Variants in CADM1 observed in about 807,000 individuals in gnomAD.
The protein encoded by CADM1 is TSLC-1.
Under a neutral mutation model 53.1 loss-of-function variants are expected in CADM1, and 15 were observed. The observed-to-expected ratio is 0.28, with a 90% CI of 0.19 to 0.44. CADM1 has a LOEUF of 0.44. CADM1 is among the 20% of genes least tolerant of loss of function. CADM1 has a pLI of 1.00. For synonymous variants in CADM1, 281 were observed against 243.0 expected (o/e 1.16, Z -1.45); for missense variants, 434 against 611.3 (o/e 0.71, Z 3.06).
rs139114293 is a variant in CADM1 at position 115,356,146 on chromosome 11, A to G, written c.125-115726T>C. Among the ~76,000 whole-genome samples the G allele has an allele frequency of 2.2e-3, 331 of 151,954 alleles. 1 individual carries two copies. Among genetic ancestry groups the G allele is most frequent in the African/African-American group, 7.7e-3 (320 of 41,512 alleles). Reference sequence around the variant, plus strand: ...GCGCCCGGCTGAGGTACACTATAATATAACTCACATAGGATAAGAAGTTAC... The same window carrying G: ...GCGCCCGGCTGAGGTACACTATAATGTAACTCACATAGGATAAGAAGTTAC... On this transcript the variant is annotated intron_variant, in intron 1 of 11. Coordinates refer to ENST00000331581, the MANE Select transcript of CADM1 (RefSeq NM_001301043.2).
intron 1 of CADM1, among the ~76,000 whole-genome samples, chr11:115,289,593 CTT>C (rs56766047): frequency 3.3e-4 from 36 of 109,046 alleles, no homozygotes; most frequent in Admixed American, 1.0e-3. Context: ...CTTTTTTTTT[CTT>C]TTTTTTTTTT....
At chr11:115,277,663 G>T (rs1195879317) in intron 1 of CADM1, among the ~76,000 whole-genome samples, 1 of 152,110 alleles carries the variant, frequency 6.6e-6, no homozygotes, top group Non-Finnish European at 1.5e-5. Context: ...GTTAATGGAG[G>T]AGAGACTGCC....
intron 1 of CADM1, among the ~76,000 whole-genome samples, chr11:115,297,255 G>C (rs1468894143): frequency 2.0e-5 from 3 of 152,190 alleles, no homozygotes; most frequent in African/African-American, 4.8e-5. Flanking sequence ...AGAAATGGTG[G>C]AAAGCAGAGC....
intron 1 of CADM1, among the ~76,000 whole-genome samples, chr11:115,430,693 A>T (rs1948025163): frequency 2.0e-5 from 3 of 152,238 alleles, no homozygotes. Context: ...TTCAATGGAA[A>T]GCAGAGATTA....
chr11:115,461,580 TG>T (rs1948795887), intron 1 of CADM1, among the ~76,000 whole-genome samples: 1 of 152,114 alleles, frequency 6.6e-6, no homozygotes. Context: ...GAAAAGAAGA[TG>T]AAGATGTCTG....
At chr11:115,363,854 A>G (rs1043740154) in intron 1 of CADM1, among the ~76,000 whole-genome samples, 3 of 152,192 alleles carry the variant, frequency 2.0e-5, no homozygotes, top group Non-Finnish European at 4.4e-5. Flanking sequence ...AGATTATAAT[A>G]CCATATTTTT....
intron 1 of CADM1, among the ~76,000 whole-genome samples, chr11:115,242,648 G>C (rs1488588178): frequency 3.3e-5 from 5 of 152,116 alleles, no homozygotes; most frequent in Non-Finnish European, 7.4e-5. Flanking sequence ...GCTTTGAGTA[G>C]ACAAGAATAC....
chr11:115,253,817 C>G (rs1942686369), intron 1 of CADM1, among the ~76,000 whole-genome samples: 2 of 152,322 alleles, frequency 1.3e-5, no homozygotes, highest in African/African-American at 4.8e-5. Context: ...CTAACTCACA[C>G]AAATCGTTAT....
At chr11:115,196,623 A>AAAAAAAAAAAAAACG (rs1565291008) in intron 9 of CADM1, among the ~76,000 whole-genome samples, 3 of 140,110 alleles carry the variant, frequency 2.1e-5, no homozygotes, top group Admixed American at 7.5e-5. Context: ...AAAAAAAATC[A>AAAAAAAAAAAAAACG]CAAAACAATC....
chr11:115,472,222 C>T (rs1447781417), intron 1 of CADM1, among the ~76,000 whole-genome samples: 1 of 152,230 alleles, frequency 6.6e-6, no homozygotes, highest in Non-Finnish European at 1.5e-5. Context: ...ATCAAAAGGT[C>T]ATCCTAGTAA....
At chr11:115,386,610 G>A (rs973192917) in intron 1 of CADM1, among the ~76,000 whole-genome samples, 4 of 140,020 alleles carry the variant, frequency 2.9e-5, no homozygotes, top group Non-Finnish European at 6.3e-5. Flanking sequence ...TCTCTCTTCC[G>A]CTTCTTATAA....
chr11:115,197,825 T>C lies in CADM1; in HGVS notation c.1111+581A>G, dbSNP rs545502652. Among the ~76,000 whole-genome samples, 28 of 152,286 alleles carry C rather than the reference T, an allele frequency of 1.8e-4. No individual in the cohort carries two copies. The South Asian group carries it at 5.8e-3, about 32-fold the overall frequency. ...TAAAGTTATATGAACACATAGAGAT[T>C]AGGAGTGAACCAGTGAGGGGTGGTG... On this transcript the variant is annotated intron_variant, in intron 9 of 11. Coordinates refer to ENST00000331581, the MANE Select transcript of CADM1 (RefSeq NM_001301043.2).
Position 115,174,266 on chromosome 11 carries a change from A to ATT in CADM1, c.*2206_*2207dup, listed in dbSNP as rs10565366. 12 of 906,630 alleles carry ATT rather than the reference A, an allele frequency of 1.3e-5. No individual in the cohort carries two copies. Among genetic ancestry groups the ATT allele is most frequent in the Middle Eastern group, 5.7e-4 (1 of 1,756 alleles). 56.2% of individuals were successfully genotyped at this position (906,630 alleles called of 1,614,324 possible). ...TGCCAATTCTGTGAGCAATGGTGTG[A>ATT]TTTTTTTTTTTTGTTTTTGTTTTTG... On this transcript the variant is annotated 3_prime_UTR_variant, in exon 12 of 12. Transcript: ENST00000331581.
At chr11:115,369,033 A>T (rs1217570656) in intron 1 of CADM1, among the ~76,000 whole-genome samples, 1 of 145,250 alleles carries the variant, frequency 6.9e-6, no homozygotes, top group South Asian at 2.3e-4. Flanking sequence ...ATCTAAAAAA[A>T]AAAAAAAAAA....
chr11:115,481,715 C>T (rs1591291083), intron 1 of CADM1, among the ~76,000 whole-genome samples: 1 of 152,158 alleles, frequency 6.6e-6, no homozygotes, highest in Non-Finnish European at 1.5e-5. Flanking sequence ...AGAACCTGAC[C>T]ATTAACCTAG....
At chr11:115,386,347 G>T (rs535765023) in intron 1 of CADM1, among the ~76,000 whole-genome samples, 1 of 152,318 alleles carries the variant, frequency 6.6e-6, no homozygotes, top group South Asian at 2.1e-4. Context: ...TATATTAAAT[G>T]TATTTTTAAG....
Position 115,289,506 on chromosome 11 carries a change from G to A in CADM1, c.125-49086C>T, listed in dbSNP as rs1413628035. On this transcript the variant is annotated intron_variant, in intron 1 of 11. Coordinates refer to ENST00000331581, the MANE Select transcript of CADM1 (RefSeq NM_001301043.2). Reference sequence around the variant, plus strand: ...GGTACAATGAAAATGTTCTGTATCTGCACTGTCCAATATGGTAGTCACTCA... The same window carrying A: ...GGTACAATGAAAATGTTCTGTATCTACACTGTCCAATATGGTAGTCACTCA... 2.0e-5 allele frequency among the ~76,000 whole-genome samples: 3 copies of A among 151,912 alleles called. No individual in the cohort carries two copies. The South Asian group carries it at 6.2e-4, about 32-fold the overall frequency.
At chr11:115,178,275 T>C (rs1291538422) in intron 11 of CADM1, among the ~76,000 whole-genome samples, 1 of 152,178 alleles carries the variant, frequency 6.6e-6, no homozygotes, top group East Asian at 1.9e-4. Context: ...CAGTAGGTTG[T>C]GGATGTGCTT....
chr11:115,451,022 T>C (rs1350924008), intron 1 of CADM1, among the ~76,000 whole-genome samples: 2 of 152,204 alleles, frequency 1.3e-5, no homozygotes, highest in Non-Finnish European at 2.9e-5. Flanking sequence ...AGCCATTACA[T>C]TGCTTCTGTA....
Sources: allele counts gnomAD v4.1 joint callset (sites outside exome capture counted in the v4.1 genomes callset), GRCh38; gene constraint gnomAD v4.1.1; transcripts MANE v1.5; gene names NCBI Gene and HGNC (gene_info 2026-07-23, HGNC 2026-07-21).